The following MARCHF7 variants were observed in gnomAD, a reference collection of about 807,000 sequenced individuals.
MARCHF7 encodes the protein E3 ubiquitin-protein ligase MARCHF7.
In MARCHF7, 20 loss-of-function variants were observed where a neutral mutation model predicts 76.5. The ratio of observed to expected loss-of-function variants is 0.26; its 90% CI spans 0.18 to 0.38. MARCHF7 has a LOEUF of 0.38. MARCHF7 is among the 10% of genes least tolerant of loss of function. The probability of loss-of-function intolerance (pLI) is 1.00; values close to 1 mark genes in which losing one functional copy is unlikely to be tolerated. For synonymous variants in MARCHF7, 295 were observed against 293.0 expected, an observed-to-expected ratio of 1.01 and a Z score of -0.07; for missense variants, 797 against 812.9, an observed-to-expected ratio of 0.98 and a Z score of 0.24.
At chr2:159,762,239 C>T (rs939301395) in intron 9 of MARCHF7, among the ~76,000 whole-genome samples, 1 of 152,186 alleles carries the variant, frequency 6.6e-6, no homozygotes, top group Non-Finnish European at 1.5e-5. Context: ...TTCTCTGGAG[C>T]ACTCTCCCCA....
chr2:159,734,008 C>T, intron 4 of MARCHF7: 1 of 1,345,534 alleles, frequency 7.4e-7, no homozygotes, highest in Admixed American at 2.8e-5. Flanking sequence ...GCTGTTACTT[C>T]TGCTATCCCA....
chr2:159,748,839 A>G lies in MARCHF7; in HGVS notation c.1549A>G (p.Lys517Glu). The G allele has an allele frequency of 1.9e-6, 3 of 1,613,906 alleles. No individual in the cohort carries two copies. Among genetic ancestry groups the G allele is most frequent in the Non-Finnish European group, 2.5e-6 (3 of 1,179,962 alleles). Residue 517 changes from lysine to glutamate, a missense_variant, in exon 7 of 12, where the codon AAA becomes GAA. Physicochemically the swap from Lys to Glu is moderately conservative, Grantham distance 56. Coordinates refer to ENST00000409175, the MANE Select transcript of MARCHF7 (RefSeq NM_001282805.2). ...IPSGWNSADG[K>E]SDKTKSAPSR... ...TTCAGGTTGGAATTCAGCTGATGGTAAAAGTGATAAAACTAAAAGTGCGCC... is the reference window on the plus strand; with the variant it reads ...TTCAGGTTGGAATTCAGCTGATGGTGAAAGTGATAAAACTAAAAGTGCGCC...
At chr2:159,746,802 T>G (rs927562095) in intron 6 of MARCHF7, among the ~76,000 whole-genome samples, 5 of 152,254 alleles carry the variant, frequency 3.3e-5, no homozygotes, top group African/African-American at 9.6e-5. Flanking sequence ...AAATGGAGTT[T>G]GATTTACATA....
intron 1 of MARCHF7, among the ~76,000 whole-genome samples, chr2:159,713,047 G>A (rs1700433473): frequency 6.6e-6 from 1 of 152,218 alleles, no homozygotes; most frequent in South Asian, 2.1e-4. Flanking sequence ...GGTGAGCGCG[G>A]GGCAAAGGCG....
At chr2:159,758,883 G>A (rs973766638) in intron 8 of MARCHF7, among the ~76,000 whole-genome samples, 1 of 152,154 alleles carries the variant, frequency 6.6e-6, no homozygotes, top group African/African-American at 2.4e-5. Flanking sequence ...ATGGCATCAC[G>A]TCAAAGTACT....
At chr2:159,756,687 C>CAAAA (rs869261420) in intron 8 of MARCHF7, among the ~76,000 whole-genome samples, 1 of 64,212 alleles carries the variant, frequency 1.6e-5, no homozygotes, top group African/African-American at 6.5e-5. Context: ...CACTCAGTCT[C>CAAAA]AAAAAAAAAA....
rs144583944 is a variant in MARCHF7 at position 159,719,181 on chromosome 2, G to A, written c.-15+3415G>A. On this transcript the variant is annotated intron_variant, in intron 3 of 11. Coordinates refer to ENST00000409175, the MANE Select transcript of MARCHF7 (RefSeq NM_001282805.2). Reference sequence around the variant, plus strand: ...TTTTTAGTAAAGACGAGGTTTCACCGTGTTGGCCAGGCTGGTCTGCTTATT... The same window carrying A: ...TTTTTAGTAAAGACGAGGTTTCACCATGTTGGCCAGGCTGGTCTGCTTATT... Among the ~76,000 whole-genome samples the A allele has an allele frequency of 6.6e-4, 100 of 152,090 alleles. 1 individual carries two copies. In the East Asian group the frequency reaches 0.016, roughly 24 times the overall value.
intron 4 of MARCHF7, among the ~76,000 whole-genome samples, 191 bp from the exon 5 acceptor site, chr2:159,742,870 A>G (rs1704307734): frequency 6.6e-6 from 1 of 152,038 alleles, no homozygotes; most frequent in African/African-American, 2.4e-5. Flanking sequence ...CCTGGAGGCA[A>G]AGGTTACAGT....
intron 3 of MARCHF7, among the ~76,000 whole-genome samples, chr2:159,722,724 C>A (rs1392220657): frequency 6.6e-6 from 1 of 152,162 alleles, no homozygotes; most frequent in Non-Finnish European, 1.5e-5. Context: ...ATATTTTGTG[C>A]TTTTGACCTA....
intron 4 of MARCHF7, among the ~76,000 whole-genome samples, chr2:159,737,596 C>T (rs1192474791): frequency 6.6e-6 from 1 of 152,124 alleles, no homozygotes; most frequent in Non-Finnish European, 1.5e-5. Flanking sequence ...GAGACCTGTG[C>T]AACATAGTGA....
intron 4 of MARCHF7, chr2:159,733,384 G>A (rs1210460547): frequency 1.1e-5 from 5 of 459,486 alleles, no homozygotes; most frequent in Non-Finnish European, 1.1e-5. Flanking sequence ...GAATACAGGT[G>A]TGCACACCAC....
chr2:159,765,273 A>C (rs563646163), intron 11 of MARCHF7, among the ~76,000 whole-genome samples: 6 of 151,996 alleles, frequency 3.9e-5, no homozygotes, highest in African/African-American at 9.7e-5. Flanking sequence ...CAACAGCTCA[A>C]ATCTCTTAAG....
intron 2 of MARCHF7, among the ~76,000 whole-genome samples, chr2:159,714,809 G>C: frequency 6.6e-6 from 1 of 152,082 alleles, no homozygotes; most frequent in Non-Finnish European, 1.5e-5. Context: ...CTAGCTACTT[G>C]GGCTGCTGAG....
At chr2:159,715,369 A>T (rs1700915778) in intron 2 of MARCHF7, among the ~76,000 whole-genome samples, 1 of 150,616 alleles carries the variant, frequency 6.6e-6, no homozygotes, top group Non-Finnish European at 1.5e-5. Context: ...GGGGGGGGTA[A>T]TAATTTTGTG....
chr2:159,761,099 C>G (rs541670561), intron 9 of MARCHF7, among the ~76,000 whole-genome samples: 1 of 149,078 alleles, frequency 6.7e-6, no homozygotes, highest in Non-Finnish European at 1.5e-5. Context: ...AATCTCAGCT[C>G]ACGACAACCT....
intron 3 of MARCHF7, among the ~76,000 whole-genome samples, chr2:159,720,089 C>T (rs1453630657): frequency 6.6e-6 from 1 of 152,002 alleles, no homozygotes; most frequent in Non-Finnish European, 1.5e-5. Flanking sequence ...GCAGTGGTGC[C>T]ATCTCGGCTC....
intron 8 of MARCHF7, among the ~76,000 whole-genome samples, chr2:159,756,874 G>A (rs180851758): frequency 1.3e-5 from 2 of 149,838 alleles, no homozygotes; most frequent in Non-Finnish European, 3.0e-5. Flanking sequence ...GTAAGTATGC[G>A]ATTAAATTAA....
intron 3 of MARCHF7, among the ~76,000 whole-genome samples, chr2:159,717,486 C>G (rs1701169271): frequency 6.7e-6 from 1 of 149,656 alleles, no homozygotes; most frequent in Non-Finnish European, 1.5e-5. Context: ...TTGGCTGTAC[C>G]TTTGTGTATG....
At chr2:159,738,791 A>G (rs549495487) in intron 4 of MARCHF7, among the ~76,000 whole-genome samples, 6 of 152,314 alleles carry the variant, frequency 3.9e-5, no homozygotes, top group African/African-American at 1.2e-4. Context: ...CCCAGCCTCC[A>G]GGCTTCAGGC....
Sources: gnomAD v4.1 joint callset for allele counts (sites outside exome capture counted in the v4.1 genomes callset) on GRCh38, gnomAD v4.1.1 for gene constraint, MANE v1.5 for transcripts, NCBI Gene and HGNC (gene_info 2026-07-23, HGNC 2026-07-21) for gene names.